NEDD4L: variants seen among roughly 807,000 people sequenced by gnomAD.
NEDD4L encodes NEDD4 like E3 ubiquitin protein ligase.
NEDD4L carries 54 observed loss-of-function variants against 148.9 expected under a neutral mutation model. That is an observed-to-expected ratio of 0.36 (90% CI 0.29 to 0.45). NEDD4L has a LOEUF of 0.45. NEDD4L is among the 20% of genes least tolerant of loss of function. The pLI is 1.00. For missense variants in NEDD4L, 856 were observed against 1,233.8 expected (o/e 0.69, Z 4.59); for synonymous variants, 433 against 440.7 (o/e 0.98, Z 0.22).
intron 19 of NEDD4L, among the ~76,000 whole-genome samples, chr18:58,362,456 T>C (rs1197536155): frequency 2.0e-5 from 3 of 152,240 alleles, no homozygotes; most frequent in South Asian, 4.2e-4. Context: ...AACTCCTTAG[T>C]AGAGAGGATG....
intron 6 of NEDD4L, among the ~76,000 whole-genome samples, chr18:58,316,349 C>G (rs1340608512): frequency 2.0e-5 from 3 of 152,212 alleles, no homozygotes; most frequent in Non-Finnish European, 2.9e-5. Flanking sequence ...TCACTCAGGC[C>G]TCCCTTCTTG....
chr18:58,105,615 T>G (rs933858985), intron 1 of NEDD4L, among the ~76,000 whole-genome samples: 1 of 152,262 alleles, frequency 6.6e-6, no homozygotes, highest in Non-Finnish European at 1.5e-5. Flanking sequence ...AGCTGTGTGT[T>G]TATTTTTCAT....
At chr18:58,195,544 C>A in intron 2 of NEDD4L, 1 of 1,340,828 alleles carries the variant, frequency 7.5e-7, no homozygotes, top group East Asian at 4.7e-5. Context: ...CTGCAGAGCC[C>A]TGTCCACGCG....
In NEDD4L at chr18:58,397,177, T is replaced by C. The variant is rs973290428; in HGVS notation, c.*908T>C. 1.3e-5 allele frequency: 2 copies of C among 152,618 alleles called. No individual in the cohort carries two copies. Among genetic ancestry groups the C allele is most frequent in the Admixed American group, 1.3e-4 (2 of 15,284 alleles). The allele number at this position is 152,618 out of a possible 1,614,324, so 9.5% of individuals were successfully genotyped here. A position where few individuals can be genotyped will look rare whatever the true frequency, so the allele number is the denominator to read the frequency against. On this transcript the variant is annotated 3_prime_UTR_variant, in exon 31 of 31. Transcript: ENST00000400345. The stretch of plus-strand genomic sequence containing the variant: ...TCTATTTCCTCTTTGCTGTTTGTAG[T>C]AGAGACATTTTGAATGAAACTTGGC...
At chr18:58,112,440 A>G (rs1011386963) in intron 1 of NEDD4L, among the ~76,000 whole-genome samples, 1 of 151,122 alleles carries the variant, frequency 6.6e-6, no homozygotes, top group East Asian at 1.9e-4. Context: ...TCGGTAAACT[A>G]TCAATTGTAT....
intron 26 of NEDD4L, among the ~76,000 whole-genome samples, chr18:58,386,323 T>C (rs1164432804): frequency 1.3e-5 from 2 of 152,216 alleles, no homozygotes; most frequent in Admixed American, 1.3e-4. Flanking sequence ...AGTGCTGGGA[T>C]TACAGGCATG....
At chr18:58,217,394 C>T (rs189784592) in intron 2 of NEDD4L, among the ~76,000 whole-genome samples, 184 of 152,354 alleles carry the variant, frequency 1.2e-3, no homozygotes, top group African/African-American at 4.1e-3. Context: ...CCTCTACCCT[C>T]AGCATCTGAA....
chr18:58,357,158 G>A (rs776279015), intron 18 of NEDD4L, 36 bp from the exon 19 acceptor site: 5 of 1,438,630 alleles, frequency 3.5e-6, no homozygotes, highest in South Asian at 1.2e-5. Flanking sequence ...TTGAACTAAT[G>A]TTCTGATTTT....
chr18:58,365,124 C>G (rs2045950274), intron 20 of NEDD4L, among the ~76,000 whole-genome samples: 1 of 152,216 alleles, frequency 6.6e-6, no homozygotes, highest in African/African-American at 2.4e-5. Flanking sequence ...GGGAACATCT[C>G]TGGATGGGGC....
chr18:58,266,416 G>A (rs1160582753), intron 5 of NEDD4L, among the ~76,000 whole-genome samples: 1 of 152,024 alleles, frequency 6.6e-6, no homozygotes, highest in African/African-American at 2.4e-5. Flanking sequence ...AACACCAGAT[G>A]TTTTTCTTAG....
intron 2 of NEDD4L, among the ~76,000 whole-genome samples, chr18:58,198,220 T>C (rs1909429639): frequency 6.6e-6 from 1 of 152,202 alleles, no homozygotes; most frequent in Non-Finnish European, 1.5e-5. Flanking sequence ...TGGCCCTTTT[T>C]TAAAATTTAT....
intron 5 of NEDD4L, among the ~76,000 whole-genome samples, chr18:58,266,604 C>T (rs939538039): frequency 2.0e-5 from 3 of 152,126 alleles, no homozygotes; most frequent in East Asian, 1.9e-4. Flanking sequence ...ATCACACAAA[C>T]GGATTAACAA....
Position 58,330,851 on chromosome 18 carries a change from G to A in NEDD4L, c.927G>A (p.Glu309=), listed in dbSNP as rs2059731489. The A allele has an allele frequency of 6.2e-7, 1 of 1,614,012 alleles. No homozygotes were observed. Among genetic ancestry groups the A allele is most frequent in the Non-Finnish European group, 8.5e-7 (1 of 1,179,876 alleles). Residue 309 remains glutamate, a synonymous_variant, in exon 11 of 31, where the codon GAG becomes GAA. Coordinates refer to ENST00000400345, the MANE Select transcript of NEDD4L (RefSeq NM_001144967.3). Reference sequence around the variant, plus strand: ...GGACCAGCCCTCAGGAGCTGTCAGAGGAACTAAGCAGAAGGCTTCAGATCA... The same window carrying A: ...GGACCAGCCCTCAGGAGCTGTCAGAAGAACTAAGCAGAAGGCTTCAGATCA... The part of the protein sequence containing the change: ...GSRTSPQELS[E]ELSRRLQITP...
chr18:58,142,427 C>T (rs2033654395), intron 1 of NEDD4L, among the ~76,000 whole-genome samples: 1 of 152,152 alleles, frequency 6.6e-6, no homozygotes, highest in Non-Finnish European at 1.5e-5. Context: ...TAATTTTCTT[C>T]AGCTTTCAGA....
chr18:58,256,132 C>G lies in NEDD4L; in HGVS notation c.297+4078C>G, dbSNP rs2048510059. ...CGAGGGCAGCCCGGGACCCAGGGCT[C>G]CAGGTCAACGGCACGTGCGGCCGCC... is the stretch of plus-strand genomic sequence containing the variant. On this transcript the variant is annotated intron_variant, in intron 5 of 30. Coordinates refer to ENST00000400345, the MANE Select transcript of NEDD4L (RefSeq NM_001144967.3). The surrounding 1 kb of genome is among the most constrained non-coding windows in gnomAD (Gnocchi z 5.2). 1.6e-6 allele frequency: 2 copies of G among 1,225,436 alleles called. No individual in the cohort carries two copies. Among genetic ancestry groups the G allele is most frequent in the Non-Finnish European group, 2.0e-6 (2 of 983,970 alleles). The allele number at this position is 1,225,436 out of a possible 1,614,324, so 75.9% of individuals were successfully genotyped here. A position where few individuals can be genotyped will look rare whatever the true frequency, so the allele number is the denominator to read the frequency against.
chr18:58,215,102 A>T (rs693528), intron 2 of NEDD4L, among the ~76,000 whole-genome samples: 39 of 152,156 alleles, frequency 2.6e-4, no homozygotes, highest in Non-Finnish European at 5.1e-4. Context: ...GTGAGCCACC[A>T]TACCCAGCCT....
intron 5 of NEDD4L, among the ~76,000 whole-genome samples, chr18:58,274,879 T>TG (rs2051635057): frequency 6.6e-6 from 1 of 152,236 alleles, no homozygotes; most frequent in Non-Finnish European, 1.5e-5. Flanking sequence ...GCTCAATAAA[T>TG]GGGTTGAGTT....
At position 58,373,210 on chromosome 18, in the gene NEDD4L, G is replaced by A; in HGVS notation, c.2293G>A (p.Glu765Lys). The change falls in exon 24 of 31, where the codon GAG becomes AAG. Residue 765 changes from glutamate to lysine, a missense_variant. By Grantham distance (56) the Glu-to-Lys change is moderately conservative. This residue lies in a region of NEDD4L where 286 missense variants were observed against 531.8 expected (regional missense o/e 0.54). Coordinates refer to ENST00000400345, the MANE Select transcript of NEDD4L (RefSeq NM_001144967.3). ...EYYNSLKWIL[E>K]NDPTELDLMF... ...TTACAACTCTTTGAAATGGATCCTG[G>A]AGAATGACCCTACTGAGCTGGACCT... 1 of 1,577,288 alleles carries A rather than the reference G, an allele frequency of 6.3e-7. No homozygotes were observed. The highest frequency in any genetic ancestry group is 8.6e-7 in the Non-Finnish European group (1 of 1,158,700).
Position 58,161,714 on chromosome 18 carries a change from G to C in NEDD4L, c.49-4074G>C, listed in dbSNP as rs571137671. On this transcript the variant is annotated intron_variant, in intron 1 of 30. Coordinates refer to ENST00000400345, the MANE Select transcript of NEDD4L (RefSeq NM_001144967.3). The stretch of plus-strand genomic sequence containing the variant: ...CATCTCCAGTTCATTTCTGGGGAGG[G>C]TCAGGAGGTGGGGGGTGCTTGGCTC... Among the ~76,000 whole-genome samples the C allele has an allele frequency of 3.3e-5, 5 of 152,240 alleles. No individual in the cohort carries two copies. In the South Asian group the frequency reaches 8.3e-4, roughly 25 times the overall value.
Sources: gnomAD v4.1 joint callset for allele counts (sites outside exome capture counted in the v4.1 genomes callset) on GRCh38, gnomAD v4.1.1 for gene constraint, gnomAD v4.1.1 regional missense constraint, Gnocchi (gnomAD v3.1) non-coding constraint, MANE v1.5 for transcripts, NCBI Gene and HGNC (gene_info 2026-07-23, HGNC 2026-07-21) for gene names.